GSE1: variants seen among roughly 807,000 people sequenced by gnomAD.
GSE1 encodes the protein genetic suppressor element 1.
GSE1 carries 32 observed loss-of-function variants against 112.6 expected under a neutral mutation model. The observed-to-expected ratio is 0.28, with a 90% CI of 0.21 to 0.38. The LOEUF (loss-of-function observed/expected upper bound fraction) is 0.38, where lower values mean the gene tolerates loss of function less well. GSE1 is among the 10% of genes least tolerant of loss of function. The probability of loss-of-function intolerance (pLI) is 1.00; values close to 1 mark genes in which losing one functional copy is unlikely to be tolerated. For missense variants in GSE1, 2,348 were observed against 1,699.2 expected (o/e 1.38, Z -6.71); for synonymous variants, 1,115 against 735.6 (o/e 1.52, Z -8.35).
intron 1 of GSE1, among the ~76,000 whole-genome samples, chr16:85,181,905 C>T (rs1015205569): frequency 1.3e-5 from 2 of 152,218 alleles, no homozygotes; most frequent in Admixed American, 1.3e-4. Context: ...CTCTGTGAAT[C>T]TGCAGTCCCT....
chr16:85,653,522 C>T (rs1180734832), intron 3 of GSE1, among the ~76,000 whole-genome samples: 2 of 151,140 alleles, frequency 1.3e-5, no homozygotes, highest in Admixed American at 6.6e-5. Flanking sequence ...TGGAGAAGAC[C>T]CCTCATCTGA....
At chr16:85,321,089 A>G (rs756581179) in intron 1 of GSE1, among the ~76,000 whole-genome samples, 11 of 152,004 alleles carry the variant, frequency 7.2e-5, no homozygotes, top group Non-Finnish European at 1.3e-4. Flanking sequence ...TATATGTTGT[A>G]TGTGTATTTG....
At chr16:85,587,823 C>T (rs550080628) in intron 1 of GSE1, among the ~76,000 whole-genome samples, 1 of 152,184 alleles carries the variant, frequency 6.6e-6, no homozygotes. Flanking sequence ...TACCCCCAAG[C>T]CTTCCCGGAC....
At chr16:85,299,558 C>G (rs761098523) in intron 1 of GSE1, among the ~76,000 whole-genome samples, 28 of 152,226 alleles carry the variant, frequency 1.8e-4, no homozygotes, top group Non-Finnish European at 4.0e-4. Context: ...GGATTCAAGC[C>G]CAGCATGTCA....
intron 2 of GSE1, among the ~76,000 whole-genome samples, chr16:85,643,812 C>T (rs2050636617): frequency 6.6e-6 from 1 of 152,294 alleles, no homozygotes; most frequent in African/African-American, 2.4e-5. Context: ...ACCCACAGCC[C>T]ACCTGGCCAT....
intron 2 of GSE1, among the ~76,000 whole-genome samples, chr16:85,550,577 G>C (rs1016895701): frequency 1.3e-4 from 20 of 152,156 alleles, no homozygotes; most frequent in East Asian, 9.8e-4. Flanking sequence ...CTCTCCAGAG[G>C]GGGGGGTTGT....
intron 2 of GSE1, among the ~76,000 whole-genome samples, chr16:85,521,914 C>T (rs994599540): frequency 1.3e-5 from 2 of 152,208 alleles, no homozygotes; most frequent in African/African-American, 4.8e-5. Context: ...CAAGTGTTCC[C>T]GTGACAGAGC....
chr16:85,482,188 G>A (rs1483494920), intron 2 of GSE1, among the ~76,000 whole-genome samples: 1 of 152,098 alleles, frequency 6.6e-6, no homozygotes, highest in Non-Finnish European at 1.5e-5. Context: ...GTCGGCTGGA[G>A]AAGAGCCGTG....
chr16:85,662,003 T>TC (rs900679689), intron 9 of GSE1, among the ~76,000 whole-genome samples: 4 of 152,142 alleles, frequency 2.6e-5, no homozygotes, highest in Non-Finnish European at 4.4e-5. Flanking sequence ...AAAAGCCAAA[T>TC]CAAAGCCCGC....
chr16:85,588,889 G>A (rs910705705), intron 1 of GSE1, among the ~76,000 whole-genome samples: 1 of 152,112 alleles, frequency 6.6e-6, no homozygotes, highest in Non-Finnish European at 1.5e-5. Context: ...GGGCAGCTGT[G>A]CGCACAGCTC....
chr16:85,578,462 C>T (rs1053810249), intron 1 of GSE1, among the ~76,000 whole-genome samples: 3 of 152,208 alleles, frequency 2.0e-5, no homozygotes, highest in African/African-American at 4.8e-5. Flanking sequence ...GCTTCTCCCC[C>T]GCCCCTCACA....
At chr16:85,573,291 A>G (rs1598236799) in intron 1 of GSE1, among the ~76,000 whole-genome samples, 1 of 152,138 alleles carries the variant, frequency 6.6e-6, no homozygotes, top group Admixed American at 6.5e-5. Context: ...GTGCTGGGCT[A>G]GTACTTCATT....
intron 1 of GSE1, among the ~76,000 whole-genome samples, chr16:85,208,066 C>T (rs1450620058): frequency 6.6e-6 from 1 of 152,122 alleles, no homozygotes; most frequent in Non-Finnish European, 1.5e-5. Flanking sequence ...ATGTACCCCA[C>T]AGTCAGTGTG....
intron 2 of GSE1, among the ~76,000 whole-genome samples, chr16:85,641,082 G>A (rs1355593282): frequency 6.6e-6 from 1 of 152,224 alleles, no homozygotes; most frequent in Non-Finnish European, 1.5e-5. Context: ...GATAATGGAG[G>A]CAAGGCCTCC....
At chr16:85,183,232 C>T (rs1326450654) in intron 1 of GSE1, among the ~76,000 whole-genome samples, 3 of 152,230 alleles carry the variant, frequency 2.0e-5, no homozygotes, top group African/African-American at 7.2e-5. Flanking sequence ...CACCCTCTCT[C>T]ATTCATGCAC....
At chr16:85,433,721 T>C (rs192470803) in intron 2 of GSE1, among the ~76,000 whole-genome samples, 6 of 151,928 alleles carry the variant, frequency 3.9e-5, no homozygotes, top group Non-Finnish European at 4.4e-5. Context: ...GTTGGATAGA[T>C]GGTGGATGGA....
rs537130649 is a variant in GSE1 at position 85,647,881 on chromosome 16, G to A, written c.227-671G>A. Among the ~76,000 whole-genome samples the A allele has an allele frequency of 3.1e-3, 477 of 152,240 alleles. 3 individuals carry two copies. The highest frequency in any genetic ancestry group is 0.011 in the African/African-American group (449 of 41,528). ...ATTACAGGCGGGAGCCACCGCGCCC[G>A]GCCAGTGCTGACCGCTTCTTGTGTT... On this transcript the variant is annotated intron_variant, in intron 2 of 15. Coordinates refer to ENST00000253458, the MANE Select transcript of GSE1 (RefSeq NM_014615.5).
intron 2 of GSE1, among the ~76,000 whole-genome samples, chr16:85,378,721 C>A (rs2047478363): frequency 6.6e-6 from 1 of 152,152 alleles, no homozygotes; most frequent in Non-Finnish European, 1.5e-5. Flanking sequence ...CTGTGCCTGC[C>A]CTGAGTCTCT....
intron 2 of GSE1, among the ~76,000 whole-genome samples, chr16:85,380,405 C>G (rs1000010849): frequency 6.6e-6 from 1 of 152,208 alleles, no homozygotes; most frequent in Non-Finnish European, 1.5e-5. Context: ...TAAATCCTCC[C>G]TGAGCCCTTG....
Sources: gnomAD v4.1 joint callset for allele counts (sites outside exome capture counted in the v4.1 genomes callset) on GRCh38, gnomAD v4.1.1 for gene constraint, MANE v1.5 for transcripts, NCBI Gene and HGNC (gene_info 2026-07-23, HGNC 2026-07-21) for gene names.